Variants in GRID2 observed in about 807,000 individuals in gnomAD.
The protein encoded by GRID2 is glutamate ionotropic receptor delta type subunit 2.
Under a neutral mutation model 114.8 loss-of-function variants are expected in GRID2, and 33 were observed. That is an observed-to-expected ratio of 0.29 (90% confidence interval 0.22 to 0.38). GRID2 has a LOEUF of 0.38. GRID2 is among the 10% of genes least tolerant of loss of function. GRID2 has a pLI of 1.00. For synonymous variants in GRID2, 505 were observed against 449.9 expected (o/e 1.12, Z -1.55); for missense variants, 1,184 against 1,257.7 (o/e 0.94, Z 0.89).
intron 1 of GRID2, among the ~76,000 whole-genome samples, chr4:92,543,802 C>A (rs745725444): frequency 2.0e-5 from 3 of 152,072 alleles, no homozygotes; most frequent in Non-Finnish European, 1.5e-5. Context: ...AAGGCAATAA[C>A]AAAATCAATT....
chr4:92,938,630 T>A lies in GRID2; in HGVS notation c.245-146365T>A, dbSNP rs903797751. ...GCACAATGTGCAGGTTTGTTACATA[T>A]GTATACATGTACCATGTTGGCGTGC... On this transcript the variant is annotated intron_variant, in intron 2 of 15. Coordinates refer to ENST00000282020, the MANE Select transcript of GRID2 (RefSeq NM_001510.4). Among the ~76,000 whole-genome samples the A allele has an allele frequency of 5.5e-5, 8 of 146,456 alleles. 1 individual carries two copies. In the East Asian group the frequency reaches 1.7e-3, roughly 32 times the overall value.
Position 93,224,812 on chromosome 4 carries a change from A to G in GRID2, c.1125+37A>G, listed in dbSNP as rs1244770381. On this transcript the variant is annotated intron_variant, in intron 7 of 15. Coordinates refer to ENST00000282020, the MANE Select transcript of GRID2 (RefSeq NM_001510.4). The stretch of plus-strand genomic sequence containing the variant: ...ATTTTCATGTAAAAAGGATATGGTA[A>G]ATAATTATTTGACATATTTTAGAAA... 3 of 1,428,310 alleles carry G rather than the reference A, an allele frequency of 2.1e-6. No individual in the cohort carries two copies. In the South Asian group the frequency reaches 3.7e-5, roughly 17 times the overall value. The allele number at this position is 1,428,310 out of a possible 1,614,324, so 88.5% of individuals were successfully genotyped here.
chr4:92,392,443 G>T (rs1406789343), intron 1 of GRID2, among the ~76,000 whole-genome samples: 8 of 152,060 alleles, frequency 5.3e-5, no homozygotes, highest in African/African-American at 1.9e-4. Flanking sequence ...GGAGGCTGAG[G>T]CAGGAGAATG....
At chr4:92,345,051 C>T (rs1727695699) in intron 1 of GRID2, among the ~76,000 whole-genome samples, 1 of 152,194 alleles carries the variant, frequency 6.6e-6, no homozygotes, top group Non-Finnish European at 1.5e-5. Context: ...CAGCTTTCTC[C>T]CCTGAGTCCC....
chr4:92,891,597 T>G (rs899773959), intron 2 of GRID2, among the ~76,000 whole-genome samples: 2 of 152,158 alleles, frequency 1.3e-5, no homozygotes, highest in African/African-American at 4.8e-5. Context: ...ATGTACTGGG[T>G]GAAAACAGCC....
chr4:93,577,105 A>T (rs1285006322), intron 13 of GRID2, among the ~76,000 whole-genome samples: 1 of 152,194 alleles, frequency 6.6e-6, no homozygotes, highest in Non-Finnish European at 1.5e-5. Context: ...TTTAATATAG[A>T]CAAAGAGTCT....
chr4:93,083,477 A>G (rs1338257531), intron 2 of GRID2, among the ~76,000 whole-genome samples: 1 of 151,992 alleles, frequency 6.6e-6, no homozygotes, highest in East Asian at 1.9e-4. Flanking sequence ...GTGGATCACA[A>G]CATCAGGAGT....
intron 13 of GRID2, among the ~76,000 whole-genome samples, chr4:93,601,411 A>C (rs189640728): frequency 6.6e-6 from 1 of 152,084 alleles, no homozygotes; most frequent in Non-Finnish European, 1.5e-5. Context: ...CTTCACTTCT[A>C]TTCTTTAGGA....
intron 8 of GRID2, among the ~76,000 whole-genome samples, chr4:93,348,083 G>GT (rs760538807): frequency 4.6e-5 from 7 of 152,058 alleles, no homozygotes; most frequent in Non-Finnish European, 7.4e-5. Context: ...TAACATTTCT[G>GT]TAATGGCACA....
At chr4:92,330,490 C>T (rs17019300) in intron 1 of GRID2, among the ~76,000 whole-genome samples, 1 of 152,010 alleles carries the variant, frequency 6.6e-6, no homozygotes, top group East Asian at 1.9e-4. Context: ...TATCATACTA[C>T]TTGGGCAATA....
chr4:92,376,735 A>G (rs1405242900), intron 1 of GRID2, among the ~76,000 whole-genome samples: 1 of 152,152 alleles, frequency 6.6e-6, no homozygotes, highest in Non-Finnish European at 1.5e-5. Flanking sequence ...CCCAAACCCC[A>G]AATCTTGACT....
chr4:93,450,946 T>C (rs1265297231), intron 10 of GRID2, among the ~76,000 whole-genome samples: 1 of 151,982 alleles, frequency 6.6e-6, no homozygotes, highest in East Asian at 1.9e-4. Context: ...TAATCTTTTA[T>C]CATTGCTATA....
intron 2 of GRID2, among the ~76,000 whole-genome samples, chr4:93,030,323 C>A (rs1172637205): frequency 1.3e-5 from 2 of 151,820 alleles, no homozygotes; most frequent in Non-Finnish European, 2.9e-5. Flanking sequence ...ATTTTAAACC[C>A]TGCTTGAGGC....
chr4:92,497,403 A>C (rs562507405), intron 1 of GRID2, among the ~76,000 whole-genome samples: 1 of 151,998 alleles, frequency 6.6e-6, no homozygotes, highest in South Asian at 2.1e-4. Flanking sequence ...GGTCTGTGAA[A>C]CAAGAAGCTA....
At chr4:92,383,564 A>G (rs568029988) in intron 1 of GRID2, among the ~76,000 whole-genome samples, 162 of 151,922 alleles carry the variant, frequency 1.1e-3, no homozygotes, top group Admixed American at 4.2e-3. Context: ...CTTAAAAGAT[A>G]ATGGGACTAG....
At chr4:92,856,508 G>A (rs1744196041) in intron 2 of GRID2, among the ~76,000 whole-genome samples, 1 of 152,040 alleles carries the variant, frequency 6.6e-6, no homozygotes, top group Admixed American at 6.6e-5. Context: ...TGTTTCTGTT[G>A]CATTTTTCAA....
intron 8 of GRID2, among the ~76,000 whole-genome samples, chr4:93,347,131 G>C (rs1760320126): frequency 6.6e-6 from 1 of 151,830 alleles, no homozygotes; most frequent in Non-Finnish European, 1.5e-5. Flanking sequence ...CTCACTTTCT[G>C]CTTGCTTTCA....
intron 2 of GRID2, among the ~76,000 whole-genome samples, chr4:92,928,419 T>C (rs1175046003): frequency 6.6e-6 from 1 of 151,614 alleles, no homozygotes; most frequent in Non-Finnish European, 1.5e-5. Context: ...AAATACAAAA[T>C]ACACTAATAG....
intron 1 of GRID2, among the ~76,000 whole-genome samples, chr4:93,783,378 C>T (rs1173695267): frequency 6.6e-6 from 1 of 152,212 alleles, no homozygotes; most frequent in Non-Finnish European, 1.5e-5. Flanking sequence ...ACTCAGAAAT[C>T]CATGTGCTTT....
Sources: allele counts gnomAD v4.1 joint callset (sites outside exome capture counted in the v4.1 genomes callset), GRCh38; gene constraint gnomAD v4.1.1; transcripts MANE v1.5; gene names NCBI Gene and HGNC (gene_info 2026-07-23, HGNC 2026-07-21).